The following FYB1 variants were observed in gnomAD, a reference collection of about 807,000 sequenced individuals.
The protein encoded by FYB1 is FYN-binding protein 1.
In FYB1, 41 loss-of-function variants were observed where a neutral mutation model predicts 94.1. The observed-to-expected ratio is 0.44, with a 90% confidence interval of 0.34 to 0.57. The LOEUF is 0.57. Among genes scored for constraint, FYB1 ranks in the 20% least tolerant of loss-of-function variants. FYB1 has a pLI of 0.02. For missense variants in FYB1, 1,050 were observed against 976.8 expected (o/e 1.07, Z -1.00); for synonymous variants, 367 against 353.2 (o/e 1.04, Z -0.44).
intron 2 of FYB1, among the ~76,000 whole-genome samples, chr5:39,191,993 A>C (rs976116544): frequency 6.6e-6 from 1 of 152,240 alleles, no homozygotes; most frequent in Non-Finnish European, 1.5e-5. Context: ...TCATATCAGA[A>C]ATAGTTTTAA....
chr5:39,115,374 C>A (rs1040087116), intron 16 of FYB1, among the ~76,000 whole-genome samples: 15 of 152,104 alleles, frequency 9.9e-5, no homozygotes, highest in African/African-American at 3.4e-4. Flanking sequence ...GGATTACAGG[C>A]ATGAGCTACC....
chr5:39,209,389 C>A (rs1013816812), intron 1 of FYB1, among the ~76,000 whole-genome samples: 1 of 151,298 alleles, frequency 6.6e-6, no homozygotes, highest in Non-Finnish European at 1.5e-5. Flanking sequence ...TGCAGTAGCG[C>A]GATCTTGGCT....
chr5:39,198,948 C>T (rs1458062428), intron 2 of FYB1, among the ~76,000 whole-genome samples: 3 of 151,984 alleles, frequency 2.0e-5, no homozygotes, highest in Non-Finnish European at 4.4e-5. Flanking sequence ...AACTTGCAAT[C>T]TGAAGACTTG....
chr5:39,202,670 G>A lies in FYB1; in HGVS notation c.291C>T (p.Ser97=), dbSNP rs1341016759. 1 of 1,613,818 alleles carries A rather than the reference G, an allele frequency of 6.2e-7. No homozygotes were observed. Among genetic ancestry groups the A allele is most frequent in the African/African-American group, 1.3e-5 (1 of 74,896 alleles). Residue 97 remains serine (S), a synonymous_variant, in exon 2 of 19, where the codon AGC becomes AGT. Transcript: ENST00000512982. ...TCGCCTCGGGGTCTCTGGTGGTCAA[G>A]CTGGCTGGTGTTCCGAATCTTTGGC... ...GAGQRFGTPA[S]LTTRDPEAKV...
At position 39,130,578 on chromosome 5, in the gene FYB1, C is replaced by T. The variant is rs74767191; in HGVS notation, c.1840+12G>A. 3.8e-4 allele frequency: 596 copies of T among 1,567,752 alleles called. 9 individuals are homozygous for T. In the East Asian group the frequency reaches 0.012, roughly 33 times the overall value. ...AATTGTAAAATGTCATTTTAAGAAGCGTGTGGCTTACCTCCACTTCCACTC... is the reference window on the plus strand; with the variant it reads ...AATTGTAAAATGTCATTTTAAGAAGTGTGTGGCTTACCTCCACTTCCACTC... On this transcript the variant is annotated intron_variant, in intron 10 of 18. Coordinates refer to ENST00000512982, the MANE Select transcript of FYB1 (RefSeq NM_001465.6).
chr5:39,135,957 A>G (rs1741640373), intron 7 of FYB1, among the ~76,000 whole-genome samples: 1 of 152,174 alleles, frequency 6.6e-6, no homozygotes, highest in Non-Finnish European at 1.5e-5. Context: ...TACTAAAAAT[A>G]TTATTTGAAT....
intron 17 of FYB1, among the ~76,000 whole-genome samples, chr5:39,109,712 A>G (rs1738878163): frequency 6.6e-6 from 1 of 152,218 alleles, no homozygotes; most frequent in African/African-American, 2.4e-5. Flanking sequence ...TAACCTGATA[A>G]TGGAGTTCGT....
chr5:39,237,725 T>C (rs1386882579), intron 1 of FYB1, among the ~76,000 whole-genome samples: 2 of 152,058 alleles, frequency 1.3e-5, no homozygotes, highest in Admixed American at 6.6e-5. Context: ...TTGTTTTGAA[T>C]ATTTCAGTTG....
chr5:39,139,294 G>A, intron 4 of FYB1, 42 bp from the exon 5 acceptor site: 2 of 1,371,834 alleles, frequency 1.5e-6, no homozygotes, highest in Non-Finnish European at 9.9e-7. Context: ...TTTGTAATAA[G>A]GAAGCACTTT....
intron 9 of FYB1, among the ~76,000 whole-genome samples, chr5:39,133,277 G>GT (rs1440451674): frequency 1.3e-5 from 2 of 152,146 alleles, no homozygotes; most frequent in Non-Finnish European, 2.9e-5. Context: ...CACAGATGAT[G>GT]TTTTTTGGGA....
chr5:39,200,290 T>C (rs1376846513), intron 2 of FYB1, among the ~76,000 whole-genome samples: 6 of 152,186 alleles, frequency 3.9e-5, no homozygotes, highest in Admixed American at 2.6e-4. Context: ...TTAGCATTTG[T>C]GGCAACTCAC....
At chr5:39,119,764 C>T in intron 14 of FYB1, 130 bp from the exon 15 acceptor site, 3 of 1,115,776 alleles carry the variant, frequency 2.7e-6, no homozygotes, top group Non-Finnish European at 3.5e-6. Context: ...GTTAGAAATC[C>T]AGTAACTGTC....
chr5:39,118,495 T>G (rs1299340218), intron 16 of FYB1, among the ~76,000 whole-genome samples: 1 of 152,152 alleles, frequency 6.6e-6, no homozygotes, highest in East Asian at 1.9e-4. Flanking sequence ...GAAAAAGTTA[T>G]CATCACTGTT....
intron 2 of FYB1, among the ~76,000 whole-genome samples, chr5:39,180,468 T>G (rs1326066341): frequency 6.6e-6 from 1 of 152,136 alleles, no homozygotes; most frequent in Non-Finnish European, 1.5e-5. Flanking sequence ...AGCATATGCT[T>G]TTGGGTGTTG....
chr5:39,145,181 T>C (rs1742536621), intron 3 of FYB1, among the ~76,000 whole-genome samples: 2 of 152,200 alleles, frequency 1.3e-5, no homozygotes, highest in East Asian at 1.9e-4. Flanking sequence ...ATAAATATAC[T>C]TCTTAAAAAG....
At chr5:39,208,822 C>T (rs1749087163) in intron 1 of FYB1, 2 of 152,290 alleles carry the variant, frequency 1.3e-5, no homozygotes, top group South Asian at 2.1e-4. Context: ...AACAAAAAGA[C>T]TGAGGAGACA....
At chr5:39,114,830 G>A (rs1467166432) in intron 16 of FYB1, among the ~76,000 whole-genome samples, 2 of 152,124 alleles carry the variant, frequency 1.3e-5, no homozygotes, top group Admixed American at 6.5e-5. Flanking sequence ...ATTGTGTAAC[G>A]TGCTGACATT....
chr5:39,183,782 C>A (rs1051599084), intron 2 of FYB1, among the ~76,000 whole-genome samples: 1 of 152,136 alleles, frequency 6.6e-6, no homozygotes, highest in African/African-American at 2.4e-5. Flanking sequence ...ACATAAGAAT[C>A]TCCTGGGCAA....
chr5:39,140,364 C>T (rs1413848444), intron 4 of FYB1, among the ~76,000 whole-genome samples: 3 of 151,936 alleles, frequency 2.0e-5, no homozygotes, highest in African/African-American at 7.3e-5. Flanking sequence ...ACCACAAAGG[C>T]TTATAAGCAA....
Sources: gnomAD v4.1 joint callset for allele counts (sites outside exome capture counted in the v4.1 genomes callset) on GRCh38, gnomAD v4.1.1 for gene constraint, MANE v1.5 for transcripts, NCBI Gene and HGNC (gene_info 2026-07-23, HGNC 2026-07-21) for gene names.